Variants in LARGE1 observed in about 807,000 individuals in gnomAD.
LARGE1 encodes the protein LARGE xylosyl- and glucuronyltransferase 1, also known as xylosyl- and glucuronyltransferase LARGE1.
LARGE1 carries 43 observed loss-of-function variants against 87.6 expected under a neutral mutation model. That is an observed-to-expected ratio of 0.49 (90% CI 0.38 to 0.63). LARGE1 has a LOEUF of 0.63. Ranked by LOEUF, LARGE1 falls within the 30% of genes least tolerant of loss-of-function variation. The pLI is 0.00. For missense variants in LARGE1, 802 were observed against 1,000.2 expected, an observed-to-expected ratio of 0.80 and a Z score of 2.67; for synonymous variants, 434 against 394.6, an observed-to-expected ratio of 1.10 and a Z score of -1.18.
chr22:33,631,794 G>A (rs944256302), intron 3 of LARGE1, among the ~76,000 whole-genome samples: 8 of 152,150 alleles, frequency 5.3e-5, no homozygotes, highest in East Asian at 3.8e-4. Flanking sequence ...ACATAATTGC[G>A]CTATAGTTTT....
intron 7 of LARGE1, among the ~76,000 whole-genome samples, chr22:33,429,424 G>A (rs949014734): frequency 2.0e-5 from 3 of 152,144 alleles, no homozygotes; most frequent in South Asian, 2.1e-4. Flanking sequence ...CAAATCAAGC[G>A]GGAACTGGAG....
intron 3 of LARGE1, among the ~76,000 whole-genome samples, chr22:33,638,035 C>G (rs1335970319): frequency 6.6e-6 from 1 of 152,072 alleles, no homozygotes; most frequent in Non-Finnish European, 1.5e-5. Context: ...TTAAAGAGGA[C>G]ATTTTTATTT....
chr22:33,337,563 ACATAGAGCCTGG>A, intron 10 of LARGE1, 71 bp downstream of exon 10: 5 of 1,523,672 alleles, frequency 3.3e-6, no homozygotes, highest in South Asian at 1.2e-5. Context: ...CATGAGCCTG[ACATAGAGCCTGG>A]CATGGGGGAG....
At chr22:33,753,903 A>T (rs2008885) in intron 2 of LARGE1, among the ~76,000 whole-genome samples, 152,201 of 152,202 alleles carry the variant, frequency 1, 76,100 homozygotes, top group Non-Finnish European at 1. Flanking sequence ...TTACTAAAAA[A>T]ACAAAAAAAA....
intron 9 of LARGE1, among the ~76,000 whole-genome samples, chr22:33,380,855 T>C (rs2065132471): frequency 6.6e-6 from 1 of 152,246 alleles, no homozygotes; most frequent in African/African-American, 2.4e-5. Context: ...CAAAAGCCCT[T>C]GCTGTCAGAC....
At chr22:33,484,747 C>T (rs532186103) in intron 6 of LARGE1, among the ~76,000 whole-genome samples, 14 of 152,174 alleles carry the variant, frequency 9.2e-5, no homozygotes, top group Non-Finnish European at 1.6e-4. Context: ...GCCATGCCCC[C>T]GGTCTGGTTA....
intron 11 of LARGE1, among the ~76,000 whole-genome samples, chr22:33,253,482 T>TG (rs1388414872): frequency 6.6e-6 from 1 of 152,096 alleles, no homozygotes; most frequent in Non-Finnish European, 1.5e-5. Flanking sequence ...GAGGCCCAGG[T>TG]GGGCAGATCA....
intron 11 of LARGE1, among the ~76,000 whole-genome samples, chr22:33,221,167 A>AGAG (rs1417670193): frequency 4.5e-5 from 5 of 110,602 alleles, no homozygotes; most frequent in African/African-American, 3.3e-4. Flanking sequence ...GCCGTTGTTA[A>AGAG]AAAGAGAGAG....
Position 33,291,922 on chromosome 22 carries a change from G to A in LARGE1, c.1731-8574C>T, listed in dbSNP as rs76075464. On this transcript the variant is annotated intron_variant, in intron 12 of 14. Transcript: ENST00000397394. The stretch of plus-strand genomic sequence containing the variant: ...AGCTTGGCCAACATAGTGAAACCCC[G>A]TCTCTATTAAAAATACAAAAAATTA... Among the ~76,000 whole-genome samples, 318 of 152,046 alleles carry A rather than the reference G, an allele frequency of 2.1e-3. 1 individual carries two copies. Among genetic ancestry groups the A allele is most frequent in the African/African-American group, 7.2e-3 (300 of 41,478 alleles).
At chr22:33,267,351 C>T (rs1354732218) in intron 11 of LARGE1, among the ~76,000 whole-genome samples, 1 of 151,648 alleles carries the variant, frequency 6.6e-6, no homozygotes, top group African/African-American at 2.4e-5. Context: ...ATGGTAGCTG[C>T]GATTGCTTAA....
intron 1 of LARGE1, among the ~76,000 whole-genome samples, chr22:33,896,407 C>A (rs879712972): frequency 6.6e-6 from 1 of 152,170 alleles, no homozygotes; most frequent in Non-Finnish European, 1.5e-5. Context: ...ATGCAAATAT[C>A]TCTTTAGAAC....
At chr22:33,467,118 T>G (rs1277783906) in intron 6 of LARGE1, among the ~76,000 whole-genome samples, 2 of 152,228 alleles carry the variant, frequency 1.3e-5, no homozygotes, top group Non-Finnish European at 2.9e-5. Flanking sequence ...CAACTGTGTC[T>G]TCCATTTTTC....
At chr22:33,290,413 T>A (rs1365585222) in intron 12 of LARGE1, among the ~76,000 whole-genome samples, 1 of 152,224 alleles carries the variant, frequency 6.6e-6, no homozygotes, top group African/African-American at 2.4e-5. Context: ...CTCTTGGTTC[T>A]GCAATTTCCG....
intron 5 of LARGE1, among the ~76,000 whole-genome samples, chr22:33,570,048 C>T (rs941564716): frequency 1.3e-5 from 2 of 152,170 alleles, no homozygotes; most frequent in African/African-American, 2.4e-5. Flanking sequence ...GTTTGTTGAG[C>T]CCTGAAGCCT....
intron 6 of LARGE1, among the ~76,000 whole-genome samples, chr22:33,554,326 T>C (rs2148714526): frequency 6.6e-6 from 1 of 152,278 alleles, no homozygotes; most frequent in East Asian, 1.9e-4. Context: ...AACTGGATTC[T>C]ACACTGGGGC....
the LARGE1 span, among the ~76,000 whole-genome samples, chr22:33,131,727 C>T: frequency 6.6e-6 from 1 of 152,124 alleles, no homozygotes; most frequent in African/African-American, 2.4e-5. Flanking sequence ...GGGTTCCTCC[C>T]ATGACACATG....
At chr22:33,094,087 T>C in the LARGE1 span, among the ~76,000 whole-genome samples, 1 of 152,072 alleles carries the variant, frequency 6.6e-6, no homozygotes, top group Non-Finnish European at 1.5e-5. Context: ...CCTATTTTAG[T>C]TCAAAGTACT....
intron 9 of LARGE1, among the ~76,000 whole-genome samples, chr22:33,351,467 T>C (rs891850008): frequency 2.0e-5 from 3 of 152,198 alleles, no homozygotes; most frequent in Non-Finnish European, 4.4e-5. Context: ...ATTACTAATA[T>C]TGAATTAAAA....
the LARGE1 span, among the ~76,000 whole-genome samples, chr22:33,126,059 T>G: frequency 6.6e-6 from 1 of 152,234 alleles, no homozygotes; most frequent in East Asian, 1.9e-4. Context: ...GAATTTGGAT[T>G]ATTTCTATAA....
Sources: gnomAD v4.1 joint callset for allele counts (sites outside exome capture counted in the v4.1 genomes callset) on GRCh38, gnomAD v4.1.1 for gene constraint, MANE v1.5 for transcripts, NCBI Gene and HGNC (gene_info 2026-07-23, HGNC 2026-07-21) for gene names.